Variants in ITSN1 observed in about 807,000 individuals in gnomAD.
ITSN1 encodes the protein intersectin 1.
Under a neutral mutation model 239.8 loss-of-function variants are expected in ITSN1, and 58 were observed. The ratio of observed to expected loss-of-function variants is 0.24; its 90% CI spans 0.20 to 0.30. The LOEUF (loss-of-function observed/expected upper bound fraction) is 0.30. ITSN1 is among the 10% of genes least tolerant of loss of function. The probability of loss-of-function intolerance (pLI) is 1.00; values close to 1 mark genes in which losing one functional copy is unlikely to be tolerated. For missense variants in ITSN1, 1,558 were observed against 2,103.3 expected, an observed-to-expected ratio of 0.74 and a Z score of 5.07; for synonymous variants, 780 against 770.8, an observed-to-expected ratio of 1.01 and a Z score of -0.20.
In ITSN1 at chr21:33,893,920, G is replaced by C. The variant is rs1340648366; in HGVS notation, c.*5620G>C. The C allele has an allele frequency of 1.3e-5, 2 of 152,154 alleles. No individual in the cohort carries two copies. The highest frequency in any genetic ancestry group is 2.9e-5 in the Non-Finnish European group (2 of 68,042). The allele number at this position is 152,154 out of a possible 1,614,324, so 9.4% of individuals were successfully genotyped here. ...CATGAAAGACAGAAGACATCTAACA[G>C]CTGTCTGTCTTGGGAGCATTAAAAC... On this transcript the variant is annotated 3_prime_UTR_variant, in exon 40 of 40. Coordinates refer to ENST00000381318, the MANE Select transcript of ITSN1 (RefSeq NM_003024.3).
chr21:33,680,171 T>G (rs2090857468), intron 1 of ITSN1, among the ~76,000 whole-genome samples: 1 of 152,176 alleles, frequency 6.6e-6, no homozygotes, highest in African/African-American at 2.4e-5. Context: ...AGTTAATTTA[T>G]TTCAAGGGGA....
chr21:33,896,808 C>G lies in ITSN1; in HGVS notation c.*8508C>G, dbSNP rs1347229975. On this transcript the variant is annotated 3_prime_UTR_variant, in exon 40 of 40. Transcript: ENST00000381318. ...TCCATTTGCTTTTTGCAAGTAGGTC[C>G]CCATCTCCATATACATTGAGCAATA... is the stretch of plus-strand genomic sequence containing the variant. The G allele has an allele frequency of 6.6e-6, 1 of 152,216 alleles. No homozygotes were observed. Among genetic ancestry groups the G allele is most frequent in the Non-Finnish European group, 1.5e-5 (1 of 68,038 alleles). The allele number at this position is 152,216 out of a possible 1,614,324, so 9.4% of individuals were successfully genotyped here. A position where few individuals can be genotyped will look rare whatever the true frequency, so the allele number is the denominator to read the frequency against.
In ITSN1 at chr21:33,897,852, A is replaced by C. The variant is rs1296696596; in HGVS notation, c.*9552A>C. ...AGATTACTTGGGTTCAACTCAACTA[A>C]ATTTCTTATATTAAAAAAAAATTCC... On this transcript the variant is annotated 3_prime_UTR_variant, in exon 40 of 40. Coordinates refer to ENST00000381318, the MANE Select transcript of ITSN1 (RefSeq NM_003024.3). 1 of 152,174 alleles carries C rather than the reference A, an allele frequency of 6.6e-6. No individual in the cohort carries two copies. Among genetic ancestry groups the C allele is most frequent in the Non-Finnish European group, 1.5e-5 (1 of 68,046 alleles). 9.4% of individuals were successfully genotyped at this position (152,174 alleles called of 1,614,324 possible). A position where few individuals can be genotyped will look rare whatever the true frequency, so the allele number is the denominator to read the frequency against.
In ITSN1 at chr21:33,797,042, T is replaced by G. The variant is rs968710936; in HGVS notation, c.1953-337T>G. Among the ~76,000 whole-genome samples, 1 of 152,202 alleles carries G rather than the reference T, an allele frequency of 6.6e-6. No individual in the cohort carries two copies. Among genetic ancestry groups the G allele is most frequent in the Non-Finnish European group, 1.5e-5 (1 of 68,036 alleles). On this transcript the variant is annotated intron_variant, in intron 17 of 39. Coordinates refer to ENST00000381318, the MANE Select transcript of ITSN1 (RefSeq NM_003024.3). The surrounding 1 kb of genome is among the most constrained non-coding windows in gnomAD (Gnocchi z 4.9). ...TGCTGGGGGGAAATTTTTACAGTGT[T>G]GGGTGTATTTTATTTTTATAGAAGT...
chr21:33,671,458 G>T (rs2090273823), intron 1 of ITSN1, among the ~76,000 whole-genome samples: 1 of 151,672 alleles, frequency 6.6e-6, no homozygotes, highest in Non-Finnish European at 1.5e-5. Context: ...GACTAATTTT[G>T]TATTTTTAGT....
At chr21:33,686,155 TTTC>T (rs2091224037) in intron 1 of ITSN1, among the ~76,000 whole-genome samples, 1 of 152,204 alleles carries the variant, frequency 6.6e-6, no homozygotes, top group Admixed American at 6.5e-5. Flanking sequence ...TGTGTCTACT[TTTC>T]TTCAGTAGCT....
chr21:33,650,338 A>G (rs2088399916), intron 1 of ITSN1, among the ~76,000 whole-genome samples: 1 of 152,206 alleles, frequency 6.6e-6, no homozygotes, highest in Non-Finnish European at 1.5e-5. Flanking sequence ...GACTCTTACC[A>G]TAAAAGCACT....
intron 20 of ITSN1, among the ~76,000 whole-genome samples, chr21:33,805,705 T>G (rs1389557464): frequency 6.6e-6 from 1 of 151,966 alleles, no homozygotes; most frequent in African/African-American, 2.4e-5. Flanking sequence ...GGAGTCTCTC[T>G]CTGTCGCCCA....
chr21:33,664,567 G>A (rs758951151), intron 1 of ITSN1, among the ~76,000 whole-genome samples: 1 of 152,074 alleles, frequency 6.6e-6, no homozygotes, highest in Non-Finnish European at 1.5e-5. Flanking sequence ...GATTTGGTGG[G>A]GACACATAGC....
chr21:33,716,838 G>A (rs2065172972), intron 1 of ITSN1, among the ~76,000 whole-genome samples: 1 of 151,860 alleles, frequency 6.6e-6, no homozygotes, highest in African/African-American at 2.4e-5. Flanking sequence ...TGTAATCCCA[G>A]CTACTCAGGA....
chr21:33,838,115 T>TA lies in ITSN1; in HGVS notation c.3661+1484dup, dbSNP rs573747809. The TA allele has an allele frequency of 3.1e-3, 3,100 of 985,724 alleles. 10 individuals carry two copies. Among genetic ancestry groups the TA allele is most frequent in the Middle Eastern group, 0.01 (20 of 1,912 alleles). 61.1% of individuals were successfully genotyped at this position (985,724 alleles called of 1,614,324 possible). ...GCTCATGGTCCGTTTGTGTGTTAGA[T>TA]ATGCTGTAGCTGAAGCCCTGTTTGT... is the stretch of plus-strand genomic sequence containing the variant. On this transcript the variant is annotated intron_variant, in intron 29 of 39. Coordinates refer to ENST00000381318, the MANE Select transcript of ITSN1 (RefSeq NM_003024.3).
chr21:33,835,706 G>A (rs1017478185), intron 28 of ITSN1, among the ~76,000 whole-genome samples: 4 of 152,136 alleles, frequency 2.6e-5, no homozygotes, highest in Non-Finnish European at 4.4e-5. Context: ...CGAGGCGGGC[G>A]GATCTCTTGA....
At chr21:33,642,784 G>C (rs2145995441) in intron 1 of ITSN1, 71 bp downstream of exon 1, 1 of 152,570 alleles carries the variant, frequency 6.6e-6, no homozygotes, top group East Asian at 1.9e-4. Context: ...TCGGCGCGGG[G>C]GTCTGCGCGA....
At chr21:33,829,380 G>A (rs541130293) in intron 26 of ITSN1, 16 of 483,718 alleles carry the variant, frequency 3.3e-5, no homozygotes, top group East Asian at 7.3e-5. Flanking sequence ...TAAGTTTCAC[G>A]GGATGACAAG....
At position 33,895,119 on chromosome 21, in the gene ITSN1, G is replaced by A. The variant is rs1423555426; in HGVS notation, c.*6819G>A. On this transcript the variant is annotated 3_prime_UTR_variant, in exon 40 of 40. Transcript: ENST00000381318. ...GCGGCGAGCCTAGGGTTCAAGCCTA[G>A]CGCGCCAGGGGTCTCCAGTGAGACC... 5 of 152,268 alleles carry A rather than the reference G, an allele frequency of 3.3e-5. No individual in the cohort carries two copies. The highest frequency in any genetic ancestry group is 7.3e-5 in the Non-Finnish European group (5 of 68,088). 9.4% of individuals were successfully genotyped at this position (152,268 alleles called of 1,614,324 possible).
At chr21:33,645,817 C>T (rs1364972334) in intron 1 of ITSN1, among the ~76,000 whole-genome samples, 1 of 152,232 alleles carries the variant, frequency 6.6e-6, no homozygotes, top group East Asian at 1.9e-4. Flanking sequence ...TTCCTTCTCT[C>T]TGAGCATCTC....
intron 29 of ITSN1, chr21:33,838,173 A>G (rs2148417829): frequency 1.0e-6 from 1 of 985,444 alleles, no homozygotes; most frequent in East Asian, 1.1e-4. Flanking sequence ...TCTCAATAAA[A>G]ATGCCTGCTG....
chr21:33,875,970 G>A (rs1602682047), intron 34 of ITSN1, among the ~76,000 whole-genome samples: 2 of 152,074 alleles, frequency 1.3e-5, no homozygotes, highest in South Asian at 2.1e-4. Flanking sequence ...ATGAGCCACC[G>A]CGCCTGGCCA....
At chr21:33,716,026 CAGAA>C (rs1425889363) in intron 1 of ITSN1, among the ~76,000 whole-genome samples, 1 of 152,108 alleles carries the variant, frequency 6.6e-6, no homozygotes, top group Non-Finnish European at 1.5e-5. Context: ...TTTTTCAAAA[CAGAA>C]AGTGAATGGA....
Sources: allele counts gnomAD v4.1 joint callset (sites outside exome capture counted in the v4.1 genomes callset), GRCh38; gene constraint gnomAD v4.1.1; non-coding constraint Gnocchi (gnomAD v3.1); transcripts MANE v1.5; gene names NCBI Gene and HGNC (gene_info 2026-07-23, HGNC 2026-07-21).